SLC9A8: variants seen among roughly 807,000 people sequenced by gnomAD.
SLC9A8 encodes the protein sodium/hydrogen exchanger 8.
In SLC9A8, 48 loss-of-function variants were observed where a neutral mutation model predicts 66.6. The observed-to-expected ratio is 0.72, with a 90% CI of 0.57 to 0.92. The LOEUF (loss-of-function observed/expected upper bound fraction) is 0.92. SLC9A8 is among the 40% of genes least tolerant of loss of function. The probability of loss-of-function intolerance (pLI) is 0.00; values close to 1 mark genes in which losing one functional copy is unlikely to be tolerated. For synonymous variants in SLC9A8, 274 were observed against 282.6 expected (o/e 0.97, Z 0.31); for missense variants, 599 against 747.3 (o/e 0.80, Z 2.31).
chr20:49,827,387 G>A (rs1292412085), intron 3 of SLC9A8, among the ~76,000 whole-genome samples: 1 of 151,376 alleles, frequency 6.6e-6, no homozygotes, highest in East Asian at 2.0e-4. Context: ...CAGATCACCT[G>A]AGGTCAAGAG....
At position 49,869,531 on chromosome 20, in the gene SLC9A8, CT is replaced by C. The variant is rs1186329569; in HGVS notation, c.958+4690del. On this transcript the variant is annotated intron_variant, in intron 10 of 15. Transcript: ENST00000361573. ...GCCACCGCGCCCGGCCAACATAACA[CT>C]TTCTTAAGATGTTGGCATGGGCCAG... 6.1e-5 allele frequency among the ~76,000 whole-genome samples: 9 copies of C among 146,434 alleles called. No individual in the cohort carries two copies. In the East Asian group the frequency reaches 2.1e-3, roughly 34 times the overall value.
rs144895830 is a variant in SLC9A8 at position 49,883,934 on chromosome 20, C to T, written c.1359C>T (p.Ile453=). 1.7e-5 allele frequency: 27 copies of T among 1,612,474 alleles called. No individual in the cohort carries two copies. Among genetic ancestry groups the T allele is most frequent in the Middle Eastern group, 1.6e-4 (1 of 6,084 alleles). Residue 453 remains isoleucine (I), a synonymous_variant, in exon 14 of 16, where the codon ATC becomes ATT. Coordinates refer to ENST00000361573, the MANE Select transcript of SLC9A8 (RefSeq NM_015266.3). ...EKRQLIGTTT[I]VIVLFTILLL... The stretch of plus-strand genomic sequence containing the variant: ...GGCAGCTCATCGGCACCACCACCAT[C>T]GTCATCGTGCTCTTCACCATCCTGC...
At chr20:49,867,627 C>T (rs1045173952) in intron 10 of SLC9A8, among the ~76,000 whole-genome samples, 11 of 152,224 alleles carry the variant, frequency 7.2e-5, no homozygotes, top group Admixed American at 6.5e-4. Context: ...ACAGGACAGC[C>T]CTCTTAAAGC....
At chr20:49,813,031 GC>G in intron 1 of SLC9A8, 83 bp downstream of exon 1, 1 of 1,193,288 alleles carries the variant, frequency 8.4e-7, no homozygotes, top group Non-Finnish European at 1.1e-6. Flanking sequence ...CCGCCCTCCG[GC>G]CCCGGAAGGC....
At chr20:49,873,971 C>G (rs942458108) in intron 10 of SLC9A8, among the ~76,000 whole-genome samples, 1 of 151,444 alleles carries the variant, frequency 6.6e-6, no homozygotes, top group African/African-American at 2.4e-5. Flanking sequence ...TGCAGTTGGC[C>G]AGGTGCAGTG....
At chr20:49,878,132 T>G in intron 12 of SLC9A8, 69 bp downstream of exon 12, 1 of 936,822 alleles carries the variant, frequency 1.1e-6, no homozygotes, top group Non-Finnish European at 1.6e-6. Flanking sequence ...ATGTTCCGGA[T>G]TCATTTATGT....
At chr20:49,850,250 A>T (rs1219274975) in intron 6 of SLC9A8, among the ~76,000 whole-genome samples, 1 of 152,196 alleles carries the variant, frequency 6.6e-6, no homozygotes, top group Non-Finnish European at 1.5e-5. Context: ...TTAGACTTCA[A>T]ATTAATTTAG....
At chr20:49,832,781 G>T (rs1013314283) in intron 3 of SLC9A8, among the ~76,000 whole-genome samples, 9 of 152,164 alleles carry the variant, frequency 5.9e-5, no homozygotes, top group Non-Finnish European at 1.3e-4. Flanking sequence ...ACATTCTGGG[G>T]GTGGGGGTGG....
At chr20:49,817,730 A>G (rs755744892) in intron 2 of SLC9A8, among the ~76,000 whole-genome samples, 40 of 152,234 alleles carry the variant, frequency 2.6e-4, no homozygotes, top group Non-Finnish European at 4.8e-4. Flanking sequence ...ATACTGAAAA[A>G]GTACACAGAC....
At chr20:49,867,242 T>C (rs561608964) in intron 10 of SLC9A8, among the ~76,000 whole-genome samples, 10 of 152,340 alleles carry the variant, frequency 6.6e-5, no homozygotes, top group Non-Finnish European at 1.2e-4. Flanking sequence ...TCTGGACTTT[T>C]CTTTTAAAAA....
rs755314178 is a variant in SLC9A8, at chr20:49,849,632, G to A, written c.486G>A (p.Thr162=). ...TCACCCTGTTTGCTGTTTTTGGGACGGCAATCTCCGCTTTTGTAGTAGGTG... is the reference window on the plus strand; with the variant it reads ...TCACCCTGTTTGCTGTTTTTGGGACAGCAATCTCCGCTTTTGTAGTAGGTG... ...GSITLFAVFG[T]AISAFVVGGG... The change falls in exon 6 of 16, where the codon ACG becomes ACA. Residue 162 remains threonine (T), a synonymous_variant. Coordinates refer to ENST00000361573, the MANE Select transcript of SLC9A8 (RefSeq NM_015266.3). The A allele has an allele frequency of 1.9e-6, 3 of 1,613,966 alleles. No homozygotes were observed. Among genetic ancestry groups the A allele is most frequent in the South Asian group, 2.2e-5 (2 of 91,074 alleles).
At chr20:49,876,455 C>T (rs1259616191) in intron 11 of SLC9A8, among the ~76,000 whole-genome samples, 4 of 152,322 alleles carry the variant, frequency 2.6e-5, no homozygotes, top group South Asian at 2.1e-4. Flanking sequence ...TTAAAAGGCA[C>T]GTGCTCTTTG....
At chr20:49,881,245 GC>G (rs2089616177) in intron 13 of SLC9A8, among the ~76,000 whole-genome samples, 1 of 152,146 alleles carries the variant, frequency 6.6e-6, no homozygotes, top group South Asian at 2.1e-4. Flanking sequence ...CAAACAACAT[GC>G]CCAGGGTCAC....
chr20:49,852,051 G>A (rs890813362), intron 7 of SLC9A8, among the ~76,000 whole-genome samples: 1 of 152,184 alleles, frequency 6.6e-6, no homozygotes, highest in Non-Finnish European at 1.5e-5. Context: ...TCCTCTCCGT[G>A]TGCAGAAGTT....
At chr20:49,875,829 G>T (rs1271837133) in intron 11 of SLC9A8, among the ~76,000 whole-genome samples, 2 of 151,984 alleles carry the variant, frequency 1.3e-5, no homozygotes, top group African/African-American at 4.8e-5. Context: ...CCGCCTCCCG[G>T]GTTCATGCCA....
At chr20:49,820,194 T>TA (rs1319255128) in intron 2 of SLC9A8, among the ~76,000 whole-genome samples, 1 of 152,086 alleles carries the variant, frequency 6.6e-6, no homozygotes, top group African/African-American at 2.4e-5. Context: ...TTTCTGGTTT[T>TA]AAAAAAATGA....
At chr20:49,872,804 G>A (rs666052) in intron 10 of SLC9A8, among the ~76,000 whole-genome samples, 135,450 of 152,330 alleles carry the variant, frequency 0.89, 60,288 homozygotes, top group African/African-American at 0.92. Flanking sequence ...CCTTTTATAC[G>A]TGGAAAGTTT....
chr20:49,830,697 T>C, intron 3 of SLC9A8: 1 of 677,790 alleles, frequency 1.5e-6, no homozygotes, highest in Non-Finnish European at 2.7e-6. Context: ...AGGGAAGACC[T>C]CCTCCTTCCT....
chr20:49,857,473 T>C (rs1282458397), intron 8 of SLC9A8, among the ~76,000 whole-genome samples: 4 of 152,144 alleles, frequency 2.6e-5, no homozygotes, highest in Non-Finnish European at 4.4e-5. Flanking sequence ...ATCCCATCAC[T>C]TTGGGAGGCT....
Sources: allele counts gnomAD v4.1 joint callset (sites outside exome capture counted in the v4.1 genomes callset), GRCh38; gene constraint gnomAD v4.1.1; transcripts MANE v1.5; gene names NCBI Gene and HGNC (gene_info 2026-07-23, HGNC 2026-07-21).